Variants in ADAMTSL1 observed in about 807,000 individuals in gnomAD.
ADAMTSL1 encodes the protein ADAMTS-like protein 1.
A neutral mutation model predicts 201.8 loss-of-function variants in ADAMTSL1; 126 were observed. The observed-to-expected ratio is 0.62, with a 90% CI of 0.54 to 0.72. The LOEUF (loss-of-function observed/expected upper bound fraction) is 0.72. Among genes scored for constraint, ADAMTSL1 ranks in the 30% least tolerant of loss-of-function variants. ADAMTSL1 has a pLI of 0.00. For synonymous variants in ADAMTSL1, 1,121 were observed against 903.4 expected, an observed-to-expected ratio of 1.24 and a Z score of -4.32; for missense variants, 2,679 against 2,277.8, an observed-to-expected ratio of 1.18 and a Z score of -3.59.
intron 1 of ADAMTSL1, among the ~76,000 whole-genome samples, chr9:17,937,825 A>C (rs994444780): frequency 1.1e-4 from 16 of 152,150 alleles, no homozygotes; most frequent in Admixed American, 8.5e-4. Flanking sequence ...TTCCTTTTAA[A>C]ACACATGGAT....
chr9:18,316,226 C>A (rs565366482), intron 2 of ADAMTSL1, among the ~76,000 whole-genome samples: 1 of 152,040 alleles, frequency 6.6e-6, no homozygotes, highest in African/African-American at 2.4e-5. Flanking sequence ...AGGACCGGGG[C>A]GAAATTAAAA....
chr9:18,723,558 A>G (rs1817678028), intron 15 of ADAMTSL1: 2 of 161,596 alleles, frequency 1.2e-5, no homozygotes, highest in African/African-American at 4.8e-5. Flanking sequence ...CTCACAGACA[A>G]GAACAGTTGT....
intron 2 of ADAMTSL1, among the ~76,000 whole-genome samples, chr9:18,356,509 A>G (rs1421782511): frequency 1.4e-5 from 2 of 145,152 alleles, no homozygotes; most frequent in Non-Finnish European, 3.0e-5. Context: ...CTTGGGGGAC[A>G]CAGTGAGACC....
At chr9:18,446,639 G>C (rs1161382352) in intron 2 of ADAMTSL1, among the ~76,000 whole-genome samples, 2 of 152,210 alleles carry the variant, frequency 1.3e-5, no homozygotes, top group African/African-American at 4.8e-5. Flanking sequence ...AGGGAAACAA[G>C]GCATATTGGT....
chr9:18,896,435 AGGGG>A (rs1301505028), intron 26 of ADAMTSL1, among the ~76,000 whole-genome samples: 2 of 152,278 alleles, frequency 1.3e-5, no homozygotes, highest in East Asian at 3.9e-4. Flanking sequence ...AAAGAGGGGG[AGGGG>A]CCAAGATGGC....
chr9:18,308,486 T>TA (rs1447662225), intron 2 of ADAMTSL1, among the ~76,000 whole-genome samples: 28 of 152,012 alleles, frequency 1.8e-4, no homozygotes, highest in Admixed American at 1.6e-3. Context: ...ATAGACACCA[T>TA]AAAAAATGAT....
At chr9:18,528,542 C>CT (rs1296664458) in intron 2 of ADAMTSL1, among the ~76,000 whole-genome samples, 1 of 152,078 alleles carries the variant, frequency 6.6e-6, no homozygotes, top group Non-Finnish European at 1.5e-5. Flanking sequence ...TGATCTTGTT[C>CT]TTTTTTATGG....
At chr9:18,447,219 TA>T (rs1489829202) in intron 2 of ADAMTSL1, among the ~76,000 whole-genome samples, 1 of 152,106 alleles carries the variant, frequency 6.6e-6, no homozygotes, top group Non-Finnish European at 1.5e-5. Flanking sequence ...GCATGGTAAA[TA>T]AAGGTTGCTC....
At chr9:18,425,328 A>G (rs992697674) in intron 2 of ADAMTSL1, among the ~76,000 whole-genome samples, 1 of 152,178 alleles carries the variant, frequency 6.6e-6, no homozygotes, top group African/African-American at 2.4e-5. Flanking sequence ...CCTTGGCAAG[A>G]TAGGTACAAA....
At chr9:18,506,416 G>C (rs552774337) in intron 2 of ADAMTSL1, among the ~76,000 whole-genome samples, 5 of 152,264 alleles carry the variant, frequency 3.3e-5, no homozygotes, top group African/African-American at 1.2e-4. Flanking sequence ...CAAAACATGT[G>C]TCTCACAAAA....
At chr9:18,487,446 C>A (rs929674244) in intron 1 of ADAMTSL1, among the ~76,000 whole-genome samples, 11 of 152,176 alleles carry the variant, frequency 7.2e-5, no homozygotes, top group Admixed American at 5.2e-4. Flanking sequence ...GTCCTTCTGA[C>A]TTTCATTCTA....
rs555763679 is a variant in ADAMTSL1 at position 18,133,297 on chromosome 9, G to A, written c.88-30565G>A. On this transcript the variant is annotated intron_variant, in intron 1 of 29. Transcript: ENST00000680146. ...GCAGGGTAGTAAGATCGGCAGTGAG[G>A]GGTCACCTCAGCCAGTTTTGCTCTG... 2.6e-5 allele frequency among the ~76,000 whole-genome samples: 4 copies of A among 152,134 alleles called. No homozygotes were observed. In the South Asian group the frequency reaches 6.2e-4, roughly 24 times the overall value.
chr9:18,374,819 A>C (rs1461917284), intron 2 of ADAMTSL1, among the ~76,000 whole-genome samples: 1 of 152,230 alleles, frequency 6.6e-6, no homozygotes, highest in Non-Finnish European at 1.5e-5. Flanking sequence ...AAATAGTATC[A>C]GTCACCTATC....
intron 1 of ADAMTSL1, among the ~76,000 whole-genome samples, chr9:17,979,134 T>G (rs1466059230): frequency 6.6e-6 from 1 of 152,142 alleles, no homozygotes; most frequent in Non-Finnish European, 1.5e-5. Context: ...TTGATTATAA[T>G]GTATCTGATA....
At chr9:17,926,098 T>A (rs936539515) in intron 1 of ADAMTSL1, among the ~76,000 whole-genome samples, 4 of 152,156 alleles carry the variant, frequency 2.6e-5, no homozygotes, top group African/African-American at 9.7e-5. Flanking sequence ...GTCTGTGATG[T>A]CTACTGCATA....
chr9:18,041,874 T>C (rs1821439980), intron 1 of ADAMTSL1, among the ~76,000 whole-genome samples: 1 of 152,158 alleles, frequency 6.6e-6, no homozygotes, highest in Non-Finnish European at 1.5e-5. Context: ...GTCTTTGCTA[T>C]TCATACATCT....
At chr9:18,669,171 T>C (rs1026790050) in intron 9 of ADAMTSL1, among the ~76,000 whole-genome samples, 17 of 152,354 alleles carry the variant, frequency 1.1e-4, no homozygotes, top group African/African-American at 3.4e-4. Flanking sequence ...GGTGTTTGAA[T>C]TGACCACATA....
chr9:18,384,562 A>G (rs1232324558), intron 2 of ADAMTSL1, among the ~76,000 whole-genome samples: 1 of 152,116 alleles, frequency 6.6e-6, no homozygotes, highest in Non-Finnish European at 1.5e-5. Flanking sequence ...TTGAATCCAA[A>G]AACACCCTCA....
chr9:18,538,957 T>G (rs1819964533), intron 3 of ADAMTSL1, among the ~76,000 whole-genome samples: 7 of 152,092 alleles, frequency 4.6e-5, no homozygotes, highest in Admixed American at 4.6e-4. Context: ...ACCCCTGAAG[T>G]CTAGAGAGAT....
Sources: allele counts gnomAD v4.1 joint callset (sites outside exome capture counted in the v4.1 genomes callset), GRCh38; gene constraint gnomAD v4.1.1; transcripts MANE v1.5; gene names NCBI Gene and HGNC (gene_info 2026-07-23, HGNC 2026-07-21).